Variants in PACS2 observed in about 807,000 individuals in gnomAD.
PACS2 encodes the protein PACS1-like protein.
In PACS2, 36 loss-of-function variants were observed where a neutral mutation model predicts 113.0. The observed-to-expected ratio is 0.32, with a 90% CI of 0.24 to 0.42. PACS2 has a LOEUF of 0.42. PACS2 is among the 10% of genes least tolerant of loss of function. PACS2 has a pLI of 1.00. For synonymous variants in PACS2, 589 were observed against 536.1 expected, an observed-to-expected ratio of 1.10 and a Z score of -1.36; for missense variants, 1,015 against 1,239.5, an observed-to-expected ratio of 0.82 and a Z score of 2.72.
chr14:105,351,131 C>T (rs782524416), intron 2 of PACS2, among the ~76,000 whole-genome samples: 16 of 152,220 alleles, frequency 1.1e-4, no homozygotes, highest in Non-Finnish European at 1.5e-4. Flanking sequence ...TCCACTGTGT[C>T]CCGCGCGCCG....
chr14:105,312,981 T>C (rs1332721240), upstream of PACS2, among the ~76,000 whole-genome samples: 1 of 152,106 alleles, frequency 6.6e-6, no homozygotes, highest in Non-Finnish European at 1.5e-5. Flanking sequence ...ATCTCCTCTT[T>C]TGTCACTTGG....
At chr14:105,351,649 G>A (rs1299438773) in intron 2 of PACS2, among the ~76,000 whole-genome samples, 1 of 152,164 alleles carries the variant, frequency 6.6e-6, no homozygotes, top group Admixed American at 6.5e-5. Flanking sequence ...ACCAGTCTGG[G>A]CAACATGACT....
At chr14:105,361,150 A>C (rs1223358743) in intron 4 of PACS2, among the ~76,000 whole-genome samples, 1 of 152,196 alleles carries the variant, frequency 6.6e-6, no homozygotes, top group Non-Finnish European at 1.5e-5. Context: ...GTCAATGCTG[A>C]TATCTCAACT....
intron 4 of PACS2, among the ~76,000 whole-genome samples, chr14:105,361,627 G>A (rs1241039711): frequency 6.6e-6 from 1 of 151,904 alleles, no homozygotes; most frequent in African/African-American, 2.4e-5. Context: ...ACAAGAGTGA[G>A]ACTCCGTCTC....
intron 1 of PACS2, among the ~76,000 whole-genome samples, chr14:105,344,488 T>G (rs943098033): frequency 1.3e-5 from 2 of 151,934 alleles, no homozygotes; most frequent in African/African-American, 4.8e-5. Context: ...TCGTGGGGAG[T>G]TTTAGTAGTT....
In PACS2 at chr14:105,384,335, C is replaced by T; in HGVS notation, c.1781-18C>T. On this transcript the variant is annotated intron_variant, in intron 16 of 24. Transcript: ENST00000447393. ...CCGAGTCCCCCGTGGTGACACCAGC[C>T]CCACCCCTGGCATGCAGGCTCCCAC... 1 of 1,499,658 alleles carries T rather than the reference C, an allele frequency of 6.7e-7. No individual in the cohort carries two copies. Among genetic ancestry groups the T allele is most frequent in the Non-Finnish European group, 9.3e-7 (1 of 1,079,978 alleles). 92.9% of individuals were successfully genotyped at this position (1,499,658 alleles called of 1,614,324 possible).
chr14:105,326,819 T>C (rs980410804), intron 1 of PACS2, among the ~76,000 whole-genome samples: 5 of 152,072 alleles, frequency 3.3e-5, no homozygotes, highest in African/African-American at 1.2e-4. Context: ...ACTCTACTGT[T>C]CCTCCTGGTG....
At chr14:105,305,960 C>G (rs1413961718) in intron 1 of PACS2, among the ~76,000 whole-genome samples, 1 of 152,262 alleles carries the variant, frequency 6.6e-6, no homozygotes, top group Non-Finnish European at 1.5e-5. Flanking sequence ...TGGCTGTAAA[C>G]AGGGAGAGGC....
chr14:105,315,717 T>C lies in PACS2; in HGVS notation c.119+680T>C, dbSNP rs2058577655. 6.6e-6 allele frequency: 1 copy of C among 152,296 alleles called. No individual in the cohort carries two copies. Among genetic ancestry groups the C allele is most frequent in the African/African-American group, 2.4e-5 (1 of 41,470 alleles). The allele number at this position is 152,296 out of a possible 1,614,324, so 9.4% of individuals were successfully genotyped here. On this transcript the variant is annotated intron_variant, in intron 1 of 24. Coordinates refer to ENST00000447393, the MANE Select transcript of PACS2 (RefSeq NM_001100913.3). The surrounding 1 kb of genome is among the most constrained non-coding windows in gnomAD (Gnocchi z 4.4). The stretch of plus-strand genomic sequence containing the variant: ...TTGGACAGGGTTTACCCTCCGGCCA[T>C]AGCCCAGCCTTCCTTGGACTTGCAG...
At chr14:105,368,793 C>T (rs2061044163) in intron 7 of PACS2, among the ~76,000 whole-genome samples, 1 of 152,244 alleles carries the variant, frequency 6.6e-6, no homozygotes, top group Non-Finnish European at 1.5e-5. Context: ...TGGGAGGCTG[C>T]CTCGCTGCCA....
Position 105,384,873 on chromosome 14 carries a change from C to T in PACS2, c.1892-6C>T, listed in dbSNP as rs2081120551. Reference sequence around the variant, plus strand: ...CCTAACCCCCCACCGCCTCCTCCCCCTGCAGTACAGGACACGCCAGACATT... The same window carrying T: ...CCTAACCCCCCACCGCCTCCTCCCCTTGCAGTACAGGACACGCCAGACATT... On this transcript the variant is annotated splice_polypyrimidine_tract_variant and splice_region_variant and intron_variant, in intron 17 of 24. Transcript: ENST00000447393. 1 of 1,557,768 alleles carries T rather than the reference C, an allele frequency of 6.4e-7. No individual in the cohort carries two copies. Among genetic ancestry groups the T allele is most frequent in the Non-Finnish European group, 8.7e-7 (1 of 1,145,526 alleles).
intron 2 of PACS2, among the ~76,000 whole-genome samples, chr14:105,349,510 G>C (rs111257670): frequency 6.6e-6 from 1 of 152,254 alleles, no homozygotes; most frequent in Non-Finnish European, 1.5e-5. Flanking sequence ...CTGTGGCTCT[G>C]ACACGGGGTC....
In PACS2 at chr14:105,376,274, C is replaced by T. The variant is rs587745292; in HGVS notation, c.802-494C>T. ...TGGGTGGATGACGCCCTCCTCCCCC[C>T]GCCACCGAGAGCTGCAGGCCACATG... is the stretch of plus-strand genomic sequence containing the variant. On this transcript the variant is annotated intron_variant, in intron 8 of 24. Transcript: ENST00000447393. This position sits in a 1 kb window ranked among gnomAD's most constrained non-coding sequence, Gnocchi z 4.7. 2.7e-5 allele frequency among the ~76,000 whole-genome samples: 4 copies of T among 147,212 alleles called. No individual in the cohort carries two copies. The highest frequency in any genetic ancestry group is 2.3e-4 in the South Asian group (1 of 4,374).
At chr14:105,318,590 C>T (rs10134192) in intron 1 of PACS2, among the ~76,000 whole-genome samples, 32,408 of 151,810 alleles carry the variant, frequency 0.21, 4,421 homozygotes, top group Non-Finnish European at 0.29. Flanking sequence ...GCTAGGACTA[C>T]AGGCGCCTGC....
chr14:105,376,937 A>G lies in PACS2; in HGVS notation c.959+12A>G, dbSNP rs782054135. ...AAGCCGAAGCTGCGGTGAGCCCTAC[A>G]GGGCGGGGCGGGGAGGAACAGCCAT... On this transcript the variant is annotated intron_variant, in intron 9 of 24. Coordinates refer to ENST00000447393, the MANE Select transcript of PACS2 (RefSeq NM_001100913.3). This position sits in a 1 kb window ranked among gnomAD's most constrained non-coding sequence, Gnocchi z 4.7. 4.4e-6 allele frequency: 7 copies of G among 1,586,750 alleles called. No homozygotes were observed. Among genetic ancestry groups the G allele is most frequent in the South Asian group, 1.1e-5 (1 of 88,402 alleles).
chr14:105,383,456 C>T lies in PACS2; in HGVS notation c.1723C>T (p.Leu575=). ...SAILRLFVEQ[L]SHKTPDWLGY... ...CATCCTGCGGCTCTTTGTGGAGCAGCTGTCCCACAAGACACCCGACTGGCT... is the reference window on the plus strand; with the variant it reads ...CATCCTGCGGCTCTTTGTGGAGCAGTTGTCCCACAAGACACCCGACTGGCT... Residue 575 remains leucine (L), a synonymous_variant, in exon 16 of 25, where the codon CTG becomes TTG. Transcript: ENST00000447393. The T allele has an allele frequency of 6.2e-7, 1 of 1,609,368 alleles. No homozygotes were observed. Among genetic ancestry groups the T allele is most frequent in the Non-Finnish European group, 8.5e-7 (1 of 1,179,538 alleles).
At chr14:105,359,030 T>C (rs1201818153) in intron 4 of PACS2, among the ~76,000 whole-genome samples, 2 of 152,210 alleles carry the variant, frequency 1.3e-5, no homozygotes, top group African/African-American at 4.8e-5. Flanking sequence ...GTTACTTTAT[T>C]CCTGTGTGAA....
At chr14:105,393,655 TC>T in intron 24 of PACS2, 1 of 233,718 alleles carries the variant, frequency 4.3e-6, no homozygotes, top group Non-Finnish European at 8.3e-6. Flanking sequence ...AATGGTGTGA[TC>T]TCAGCTCACT....
In PACS2 at chr14:105,354,295, T is replaced by C. The variant is rs972762774; in HGVS notation, c.298-757T>C. 6.6e-6 allele frequency among the ~76,000 whole-genome samples: 1 copy of C among 151,844 alleles called. No individual in the cohort carries two copies. The highest frequency in any genetic ancestry group is 1.5e-5 in the Non-Finnish European group (1 of 67,948). ...TTTTTGTATTTTTGTAGAGATGGGG[T>C]TTTGCCATGTTGGCTAGGGTGGTCT... On this transcript the variant is annotated intron_variant, in intron 3 of 24. Coordinates refer to ENST00000447393, the MANE Select transcript of PACS2 (RefSeq NM_001100913.3). The surrounding 1 kb of genome is among the most constrained non-coding windows in gnomAD (Gnocchi z 4.2).
Sources: gnomAD v4.1 joint callset for allele counts (sites outside exome capture counted in the v4.1 genomes callset) on GRCh38, gnomAD v4.1.1 for gene constraint, Gnocchi (gnomAD v3.1) non-coding constraint, MANE v1.5 for transcripts, NCBI Gene and HGNC (gene_info 2026-07-23, HGNC 2026-07-21) for gene names.